Variants in TTC34 observed in about 807,000 individuals in gnomAD.
TTC34 encodes tetratricopeptide repeat domain 34.
In TTC34, 44 loss-of-function variants were observed where a neutral mutation model predicts 40.7. That is an observed-to-expected ratio of 1.08 (90% CI 0.85 to 1.39). TTC34 has a LOEUF of 1.39. TTC34 is among the 40% of genes most tolerant of loss of function. TTC34 has a pLI of 0.00. For missense variants in TTC34, 884 were observed against 838.0 expected (o/e 1.05, Z -0.68); for synonymous variants, 422 against 398.6 (o/e 1.06, Z -0.70).
intron 6 of TTC34, among the ~76,000 whole-genome samples, chr1:2,648,233 C>G (rs1570748957): frequency 6.6e-6 from 1 of 152,260 alleles, no homozygotes; most frequent in Non-Finnish European, 1.5e-5. Context: ...GCGCTGGGCT[C>G]TGTGTCTGGC....
intron 6 of TTC34, among the ~76,000 whole-genome samples, chr1:2,751,250 C>G (rs1355190660): frequency 9.3e-6 from 1 of 107,834 alleles, no homozygotes; most frequent in Non-Finnish European, 1.8e-5. Flanking sequence ...AGGCACACCC[C>G]CAGTGAGCAT....
At chr1:2,648,744 C>T (rs1557582137) in intron 6 of TTC34, among the ~76,000 whole-genome samples, 1 of 149,446 alleles carries the variant, frequency 6.7e-6, no homozygotes, top group Non-Finnish European at 1.5e-5. Context: ...AACAGCACCG[C>T]ACACTCCCAG....
At chr1:2,765,652 G>A (rs1286749975) in intron 6 of TTC34, among the ~76,000 whole-genome samples, 1 of 11,678 alleles carries the variant, frequency 8.6e-5, no homozygotes, top group Admixed American at 1.2e-3. Context: ...GTGAGCATTC[G>A]ACAGCCTGGA....
intron 6 of TTC34, among the ~76,000 whole-genome samples, chr1:2,760,522 C>T (rs1641660233): frequency 3.8e-5 from 2 of 51,974 alleles, no homozygotes; most frequent in African/African-American, 2.8e-4. Flanking sequence ...GCAGCACCCA[C>T]ACCCCCAGGT....
intron 6 of TTC34, among the ~76,000 whole-genome samples, chr1:2,749,433 A>G (rs1641244967): frequency 7.3e-5 from 10 of 136,444 alleles, no homozygotes; most frequent in Non-Finnish European, 1.1e-4. Context: ...AGCCTGGAAC[A>G]GCACCGACAC....
intron 5 of TTC34, among the ~76,000 whole-genome samples, chr1:2,784,869 CTT>C (rs1259983205): frequency 6.6e-6 from 1 of 152,190 alleles, no homozygotes; most frequent in Non-Finnish European, 1.5e-5. Context: ...CCTAGGTAAT[CTT>C]TTGCCCACAA....
At chr1:2,756,977 G>T in intron 6 of TTC34, among the ~76,000 whole-genome samples, 1 of 136,546 alleles carries the variant, frequency 7.3e-6, no homozygotes, top group African/African-American at 2.8e-5. Context: ...GACTGGAACA[G>T]CACCCACACG....
chr1:2,644,670 A>C (rs1202252467), intron 7 of TTC34, among the ~76,000 whole-genome samples, 192 bp from the exon 8 acceptor site: 1 of 151,984 alleles, frequency 6.6e-6, no homozygotes. Context: ...CTCACCTCTG[A>C]CCCCACTCCA....
chr1:2,685,108 A>T lies in TTC34; in HGVS notation c.2227-39545T>A, dbSNP rs1338480775. Among the ~76,000 whole-genome samples, 4 of 141,098 alleles carry T rather than the reference A, an allele frequency of 2.8e-5. 1 individual carries two copies. Among genetic ancestry groups the T allele is most frequent in the Admixed American group, 7.0e-5 (1 of 14,316 alleles). The allele number at this position is 141,098 out of a possible 152,430, so 92.6% of individuals were successfully genotyped here. A position where few individuals can be genotyped will look rare whatever the true frequency, so the allele number is the denominator to read the frequency against. ...AGGTGTGCACGTGACAGCTTGGATC[A>T]GCACCCACACCCCCAGGCGAGCATC... On this transcript the variant is annotated intron_variant, in intron 6 of 8. Transcript: ENST00000401095.
At chr1:2,749,481 C>T (rs1293759813) in intron 6 of TTC34, among the ~76,000 whole-genome samples, 1 of 81,552 alleles carries the variant, frequency 1.2e-5, no homozygotes, top group Non-Finnish European at 2.3e-5. Context: ...ACAGCACCCA[C>T]ATCCCCAGGT....
chr1:2,758,247 A>G (rs1641571365), intron 6 of TTC34, among the ~76,000 whole-genome samples: 159 of 132,792 alleles, frequency 1.2e-3, no homozygotes, highest in Middle Eastern at 4.2e-3. Flanking sequence ...CCAGGCGAGC[A>G]TCTGACACCC....
rs1330071888 is a variant in TTC34 at position 2,750,941 on chromosome 1, C to T, written c.2226+32668G>A. 2.8e-5 allele frequency among the ~76,000 whole-genome samples: 3 copies of T among 107,778 alleles called. 1 individual carries two copies. Among genetic ancestry groups the T allele is most frequent in the Non-Finnish European group, 5.4e-5 (3 of 55,808 alleles). The allele number at this position is 107,778 out of a possible 152,430, so 70.7% of individuals were successfully genotyped here. A position where few individuals can be genotyped will look rare whatever the true frequency, so the allele number is the denominator to read the frequency against. On this transcript the variant is annotated intron_variant, in intron 6 of 8. Transcript: ENST00000401095. ...AGCACCCACACCTTCAGGCGAGCAT[C>T]GGACAGCCTGGAGCAGCACCCACAC... is the stretch of plus-strand genomic sequence containing the variant.
At chr1:2,700,005 G>A (rs1214084673) in intron 6 of TTC34, among the ~76,000 whole-genome samples, 12 of 86,174 alleles carry the variant, frequency 1.4e-4, no homozygotes, top group Non-Finnish European at 1.9e-4. Context: ...CTGGAGCAGC[G>A]TCCACACCCC....
In TTC34 at chr1:2,769,618, A is replaced by G. The variant is rs1440227230; in HGVS notation, c.2226+13991T>C. ...CAGGGGGAGCATCTGACAGCCTGGAACAGCACCCACACCCCCAGGTGAGCA... is the reference window on the plus strand; with the variant it reads ...CAGGGGGAGCATCTGACAGCCTGGAGCAGCACCCACACCCCCAGGTGAGCA... On this transcript the variant is annotated intron_variant, in intron 6 of 8. Transcript: ENST00000401095. 9.3e-5 allele frequency among the ~76,000 whole-genome samples: 10 copies of G among 107,972 alleles called. No homozygotes were observed. The South Asian group carries it at 9.9e-4, about 11-fold the overall frequency. 70.8% of individuals were successfully genotyped at this position (107,972 alleles called of 152,430 possible).
chr1:2,699,649 CAAACCCCA>C, intron 6 of TTC34, among the ~76,000 whole-genome samples: 1 of 77,802 alleles, frequency 1.3e-5, no homozygotes, highest in Non-Finnish European at 3.1e-5. Context: ...GTGAAGCGCC[CAAACCCCA>C]AGGTGAGCAT....
chr1:2,652,916 A>G (rs1422935857), intron 6 of TTC34, among the ~76,000 whole-genome samples: 1 of 152,120 alleles, frequency 6.6e-6, no homozygotes, highest in Non-Finnish European at 1.5e-5. Flanking sequence ...AGTCTGGAGC[A>G]GCGCCCACAC....
At chr1:2,750,419 G>T (rs1219794561) in intron 6 of TTC34, among the ~76,000 whole-genome samples, 3 of 44,990 alleles carry the variant, frequency 6.7e-5, no homozygotes, top group African/African-American at 3.5e-4. Context: ...AGGTGCGCAC[G>T]TGACAGCCTG....
At chr1:2,793,831 C>T (rs1384572986) in intron 2 of TTC34, among the ~76,000 whole-genome samples, 1 of 152,128 alleles carries the variant, frequency 6.6e-6, no homozygotes, top group African/African-American at 2.4e-5. Flanking sequence ...AGTATAGCTT[C>T]ATATTAACTG....
intron 6 of TTC34, among the ~76,000 whole-genome samples, chr1:2,649,887 TC>T (rs1639093648): frequency 7.7e-6 from 1 of 130,176 alleles, no homozygotes; most frequent in Non-Finnish European, 1.6e-5. Flanking sequence ...GCACTCTGCA[TC>T]CCCAAGTGAG....
Sources: gnomAD v4.1 joint callset for allele counts (sites outside exome capture counted in the v4.1 genomes callset) on GRCh38, gnomAD v4.1.1 for gene constraint, MANE v1.5 for transcripts, NCBI Gene and HGNC (gene_info 2026-07-23, HGNC 2026-07-21) for gene names.